The following RABGAP1L variants were observed in gnomAD, a reference collection of about 807,000 sequenced individuals.
RABGAP1L encodes rab GTPase-activating protein 1-like.
In RABGAP1L, 63 loss-of-function variants were observed where a neutral mutation model predicts 137.7. The observed-to-expected ratio is 0.46, with a 90% CI of 0.37 to 0.56. The LOEUF (loss-of-function observed/expected upper bound fraction) is 0.56. Among genes scored for constraint, RABGAP1L ranks in the 20% least tolerant of loss-of-function variants. The pLI, the probability that RABGAP1L is intolerant of heterozygous loss-of-function variation, is 0.00. For synonymous variants in RABGAP1L, 431 were observed against 433.7 expected, an observed-to-expected ratio of 0.99 and a Z score of 0.08; for missense variants, 1,095 against 1,244.0, an observed-to-expected ratio of 0.88 and a Z score of 1.80.
chr1:174,840,509 G>A (rs1476186136), intron 19 of RABGAP1L, among the ~76,000 whole-genome samples: 3 of 151,800 alleles, frequency 2.0e-5, no homozygotes, highest in Non-Finnish European at 4.4e-5. Context: ...CCTTCCTAGG[G>A]TATAAAGAAG....
At chr1:174,813,919 A>G (rs1690125230) in intron 19 of RABGAP1L, among the ~76,000 whole-genome samples, 1 of 152,228 alleles carries the variant, frequency 6.6e-6, no homozygotes, top group Non-Finnish European at 1.5e-5. Context: ...TTCTAAGAAT[A>G]AAAGAGTAGA....
chr1:174,798,421 A>G (rs1688446318), intron 18 of RABGAP1L, among the ~76,000 whole-genome samples: 2 of 152,146 alleles, frequency 1.3e-5, no homozygotes, highest in South Asian at 4.2e-4. Context: ...AAAAAAAGAA[A>G]TCATTTTTGG....
chr1:174,817,433 A>G (rs1352741376), intron 19 of RABGAP1L, among the ~76,000 whole-genome samples: 4 of 152,186 alleles, frequency 2.6e-5, no homozygotes, highest in Non-Finnish European at 4.4e-5. Flanking sequence ...CATGCAGACA[A>G]TATGCAGAAG....
At chr1:174,750,671 G>A (rs1476188081) in intron 17 of RABGAP1L, among the ~76,000 whole-genome samples, 2 of 152,134 alleles carry the variant, frequency 1.3e-5, no homozygotes, top group African/African-American at 4.8e-5. Context: ...AACTAGCTTA[G>A]GATAAAGGAC....
At position 174,761,170 on chromosome 1, in the gene RABGAP1L, T is replaced by C. The variant is rs897653466; in HGVS notation, c.2211+8816T>C. Among the ~76,000 whole-genome samples, 1 of 152,262 alleles carries C rather than the reference T, an allele frequency of 6.6e-6. No individual in the cohort carries two copies. The highest frequency in any genetic ancestry group is 1.5e-5 in the Non-Finnish European group (1 of 68,046). On this transcript the variant is annotated intron_variant, in intron 18 of 25. Transcript: ENST00000681986. The surrounding 1 kb of genome is among the most constrained non-coding windows in gnomAD (Gnocchi z 4.0). Reference sequence around the variant, plus strand: ...AGGAGCAAGTCACATCCAACATGGATGGCAGCAGACAAAGAGAGAGGGCTT... The same window carrying C: ...AGGAGCAAGTCACATCCAACATGGACGGCAGCAGACAAAGAGAGAGGGCTT...
intron 14 of RABGAP1L, among the ~76,000 whole-genome samples, chr1:174,658,901 G>A (rs943009109): frequency 1.3e-5 from 2 of 152,156 alleles, no homozygotes; most frequent in African/African-American, 4.8e-5. Context: ...AGAATGGAAG[G>A]AAGGTACACA....
At position 174,275,476 on chromosome 1, in the gene RABGAP1L, A is replaced by G. The variant is rs1028683629; in HGVS notation, c.1054-357A>G. Among the ~76,000 whole-genome samples the G allele has an allele frequency of 2.0e-5, 3 of 152,274 alleles. No individual in the cohort carries two copies. In the East Asian group the frequency reaches 5.8e-4, roughly 29 times the overall value. ...CAGCTAATTCTATATTATTGTTTTA[A>G]TAGAAACCATATACATTCTTATGTG... On this transcript the variant is annotated intron_variant, in intron 8 of 25. Coordinates refer to ENST00000681986, the MANE Select transcript of RABGAP1L (RefSeq NM_001366446.1).
chr1:174,581,249 C>G (rs1668725028), intron 13 of RABGAP1L, among the ~76,000 whole-genome samples: 1 of 152,020 alleles, frequency 6.6e-6, no homozygotes, highest in African/African-American at 2.4e-5. Context: ...TTCATAATAG[C>G]CAAAAAAGTG....
chr1:174,259,697 G>C (rs997557546), intron 7 of RABGAP1L, among the ~76,000 whole-genome samples: 2 of 152,040 alleles, frequency 1.3e-5, no homozygotes, highest in Non-Finnish European at 1.5e-5. Flanking sequence ...ACCCATGTTG[G>C]ATATCACATA....
chr1:174,238,875 C>A (rs573428331), intron 4 of RABGAP1L: 1 of 157,488 alleles, frequency 6.3e-6, no homozygotes, highest in Admixed American at 6.5e-5. Context: ...GCCTTGCTGC[C>A]GCCTTGCAGT....
At chr1:174,620,188 G>T (rs1249214557) in intron 13 of RABGAP1L, among the ~76,000 whole-genome samples, 7 of 152,256 alleles carry the variant, frequency 4.6e-5, no homozygotes, top group Non-Finnish European at 1.0e-4. Context: ...AATAATGGGA[G>T]ACTTTAACAC....
chr1:174,286,294 G>A (rs1184704879), intron 10 of RABGAP1L, among the ~76,000 whole-genome samples: 2 of 151,974 alleles, frequency 1.3e-5, no homozygotes, highest in South Asian at 2.1e-4. Context: ...TTTTATCTTG[G>A]TAGGTCATAT....
chr1:174,946,028 C>G (rs1462558922), intron 19 of RABGAP1L: 1 of 151,394 alleles, frequency 6.6e-6, no homozygotes, highest in Non-Finnish European at 1.5e-5. Context: ...CTGTCTCTCT[C>G]TCTCTCTCTT....
intron 11 of RABGAP1L, among the ~76,000 whole-genome samples, chr1:174,363,121 A>G (rs947054276): frequency 6.6e-6 from 1 of 151,952 alleles, no homozygotes; most frequent in East Asian, 1.9e-4. Context: ...TGGGTTCTCT[A>G]TTCTGTTCCA....
At chr1:174,434,304 G>A (rs992683772) in intron 13 of RABGAP1L, among the ~76,000 whole-genome samples, 3 of 152,086 alleles carry the variant, frequency 2.0e-5, no homozygotes, top group African/African-American at 2.4e-5. Flanking sequence ...TGTGTCTTTA[G>A]TGTTGTTCCT....
In RABGAP1L at chr1:174,336,943, GTAT is replaced by G. The variant is rs200659811; in HGVS notation, c.1465+31821_1465+31823del. 3.6e-4 allele frequency among the ~76,000 whole-genome samples: 54 copies of G among 151,510 alleles called. No individual in the cohort carries two copies. The East Asian group carries it at 9.3e-3, about 26-fold the overall frequency. ...GGAGGAAGGACTTTAAAGTATTGTT[GTAT>G]TATTGCATTTTTACATTATGTATTC... On this transcript the variant is annotated intron_variant, in intron 11 of 25. Transcript: ENST00000681986.
intron 13 of RABGAP1L, among the ~76,000 whole-genome samples, chr1:174,613,708 T>C (rs537838545): frequency 5.6e-4 from 85 of 152,224 alleles, no homozygotes; most frequent in African/African-American, 1.9e-3. Context: ...CTTTGTAGGT[T>C]ACTCAGGACT....
At chr1:174,310,321 A>G (rs367633712) in intron 11 of RABGAP1L, among the ~76,000 whole-genome samples, 85 of 152,270 alleles carry the variant, frequency 5.6e-4, no homozygotes, top group African/African-American at 1.8e-3. Context: ...AAGATACTTG[A>G]TACTATTTCA....
chr1:174,838,917 C>CAAAAA lies in RABGAP1L; in HGVS notation c.2340+26990_2340+26994dup, dbSNP rs58265128. ...TGGGCGACAAAGCGAGACTCCGTCT[C>CAAAAA]AAAAAAAAAAAAAAAAAAAAAAAAA... On this transcript the variant is annotated intron_variant, in intron 19 of 25. Coordinates refer to ENST00000681986, the MANE Select transcript of RABGAP1L (RefSeq NM_001366446.1). Among the ~76,000 whole-genome samples, 33 of 22,456 alleles carry CAAAAA rather than the reference C, an allele frequency of 1.5e-3. 13 individuals carry two copies. The highest frequency in any genetic ancestry group is 6.6e-3 in the Admixed American group (7 of 1,068). The allele number at this position is 22,456 out of a possible 152,430, so 14.7% of individuals were successfully genotyped here.
Sources: allele counts gnomAD v4.1 joint callset (sites outside exome capture counted in the v4.1 genomes callset), GRCh38; gene constraint gnomAD v4.1.1; non-coding constraint Gnocchi (gnomAD v3.1); transcripts MANE v1.5; gene names NCBI Gene and HGNC (gene_info 2026-07-23, HGNC 2026-07-21).